The following GABRB2 variants were observed in gnomAD, a reference collection of about 807,000 sequenced individuals.
GABRB2 encodes the protein gamma-aminobutyric acid type A receptor subunit beta2.
GABRB2 carries 16 observed loss-of-function variants against 54.7 expected under a neutral mutation model. That is an observed-to-expected ratio of 0.29 (90% CI 0.20 to 0.44). The LOEUF (loss-of-function observed/expected upper bound fraction) is 0.44, where lower values mean the gene tolerates loss of function less well. Ranked by LOEUF, GABRB2 falls within the 20% of genes least tolerant of loss-of-function variation. The pLI, the probability that GABRB2 is intolerant of heterozygous loss-of-function variation, is 1.00. For missense variants in GABRB2, 355 were observed against 644.0 expected (o/e 0.55, Z 4.86); for synonymous variants, 244 against 233.8 (o/e 1.04, Z -0.40).
intron 7 of GABRB2, 33 bp from the exon 8 acceptor site, chr5:161,331,160 G>T: frequency 6.6e-7 from 1 of 1,511,012 alleles, no homozygotes; most frequent in Non-Finnish European, 8.9e-7. Flanking sequence ...GAGTAATAAT[G>T]TTCCTATCTC....
chr5:161,455,529 A>ATTTTT (rs34494220), intron 4 of GABRB2, among the ~76,000 whole-genome samples: 1 of 137,916 alleles, frequency 7.3e-6, no homozygotes. Context: ...TTGTTCCCCA[A>ATTTTT]TTTTTTTTTT....
chr5:161,323,015 T>C (rs1347768900), intron 9 of GABRB2, among the ~76,000 whole-genome samples: 1 of 151,558 alleles, frequency 6.6e-6, no homozygotes, highest in Non-Finnish European at 1.5e-5. Context: ...ATTTTTAGTA[T>C]CTTGAAATAT....
chr5:161,543,162 A>G (rs1760872473), intron 3 of GABRB2, among the ~76,000 whole-genome samples: 1 of 152,184 alleles, frequency 6.6e-6, no homozygotes, highest in Non-Finnish European at 1.5e-5. Context: ...ACAACCTGAT[A>G]TTCATTTTTG....
intron 5 of GABRB2, among the ~76,000 whole-genome samples, chr5:161,365,162 G>C (rs538599236): frequency 6.7e-4 from 102 of 152,240 alleles, no homozygotes; most frequent in African/African-American, 2.3e-3. Context: ...TGATTCTTTA[G>C]CCTAGGTTTA....
intron 3 of GABRB2, among the ~76,000 whole-genome samples, chr5:161,485,504 C>G (rs982592613): frequency 5.9e-5 from 9 of 151,944 alleles, no homozygotes; most frequent in African/African-American, 2.2e-4. Flanking sequence ...TTCATAGAAA[C>G]TCTGCCCTGA....
At chr5:161,524,995 A>G (rs1387247411) in intron 3 of GABRB2, among the ~76,000 whole-genome samples, 1 of 151,412 alleles carries the variant, frequency 6.6e-6, no homozygotes, top group African/African-American at 2.4e-5. Flanking sequence ...GTTTATATAC[A>G]AAGTACTTTC....
At chr5:161,418,371 C>T (rs1324246960) in intron 4 of GABRB2, among the ~76,000 whole-genome samples, 2 of 152,156 alleles carry the variant, frequency 1.3e-5, no homozygotes, top group Admixed American at 1.3e-4. Context: ...TGAGAATATA[C>T]TGTCTTCTAA....
Position 161,411,003 on chromosome 5 carries a change from T to C in GABRB2, c.513A>G (p.Glu171=), listed in dbSNP as rs370168508. 3 of 1,613,564 alleles carry C rather than the reference T, an allele frequency of 1.9e-6. No individual in the cohort carries two copies. In the African/African-American group the frequency reaches 4.0e-5, roughly 22 times the overall value. The change falls in exon 5 of 10, where the codon GAA becomes GAG. Residue 171 remains glutamate, a synonymous_variant. Coordinates refer to ENST00000393959, the MANE Select transcript of GABRB2 (RefSeq NM_001371727.1). ...TCTCAATTTCCAAGGTGCAGTTTTG[T>C]TCATCCAGTGGGTACCTCCTTAGGT... ...MMDLRRYPLD[E]QNCTLEIESY...
chr5:161,364,770 T>C (rs1040219441), intron 5 of GABRB2, among the ~76,000 whole-genome samples: 2 of 152,182 alleles, frequency 1.3e-5, no homozygotes, highest in African/African-American at 4.8e-5. Flanking sequence ...CTGTAATTAT[T>C]ACATGCCATA....
chr5:161,458,786 G>A lies in GABRB2; in HGVS notation c.458+838C>T, dbSNP rs181923454. On this transcript the variant is annotated intron_variant, in intron 4 of 9. Transcript: ENST00000393959. The stretch of plus-strand genomic sequence containing the variant: ...CATGAAAGCACTTAGCTCAATGTCT[G>A]ACCCATAACAAGTGTTCAATAAATG... 1.3e-4 allele frequency among the ~76,000 whole-genome samples: 20 copies of A among 152,250 alleles called. No individual in the cohort carries two copies. In the East Asian group the frequency reaches 3.7e-3, roughly 28 times the overall value.
intron 3 of GABRB2, among the ~76,000 whole-genome samples, chr5:161,509,879 T>A (rs1319049055): frequency 6.6e-6 from 1 of 151,964 alleles, no homozygotes; most frequent in Non-Finnish European, 1.5e-5. Context: ...ACCTGCATGA[T>A]CTTTCTATAA....
intron 5 of GABRB2, among the ~76,000 whole-genome samples, chr5:161,399,578 T>A (rs945036878): frequency 6.6e-6 from 1 of 152,188 alleles, no homozygotes; most frequent in Non-Finnish European, 1.5e-5. Context: ...TGGCAATACA[T>A]GACTGGGCTG....
At chr5:161,396,208 G>C (rs1580948393) in intron 5 of GABRB2, among the ~76,000 whole-genome samples, 1 of 152,250 alleles carries the variant, frequency 6.6e-6, no homozygotes, top group East Asian at 1.9e-4. Context: ...TCAGGAAGTG[G>C]AAAGCCACAC....
At chr5:161,401,822 A>C (rs1756200938) in intron 5 of GABRB2, among the ~76,000 whole-genome samples, 1 of 152,094 alleles carries the variant, frequency 6.6e-6, no homozygotes, top group Admixed American at 6.5e-5. Context: ...ATTCTCTATG[A>C]TGTGAAAATT....
At chr5:161,417,072 T>A (rs1421469517) in intron 4 of GABRB2, among the ~76,000 whole-genome samples, 6 of 152,178 alleles carry the variant, frequency 3.9e-5, no homozygotes, top group Non-Finnish European at 7.4e-5. Context: ...TCCTCCAACG[T>A]CACTTCAAAA....
At chr5:161,297,416 A>G (rs1489065244) in intron 9 of GABRB2, among the ~76,000 whole-genome samples, 2 of 152,078 alleles carry the variant, frequency 1.3e-5, no homozygotes, top group Admixed American at 1.3e-4. Flanking sequence ...ATTTCTCCTA[A>G]TGCTATCCCT....
At chr5:161,536,295 G>A (rs570666516) in intron 3 of GABRB2, among the ~76,000 whole-genome samples, 6 of 152,172 alleles carry the variant, frequency 3.9e-5, no homozygotes, top group Non-Finnish European at 5.9e-5. Context: ...AGGAGAAACC[G>A]AAGGAGGAAA....
intron 4 of GABRB2, among the ~76,000 whole-genome samples, chr5:161,457,597 C>T (rs1757995780): frequency 6.6e-6 from 1 of 152,022 alleles, no homozygotes; most frequent in Non-Finnish European, 1.5e-5. Flanking sequence ...AGGCCCCCGC[C>T]ACTACGCCCA....
chr5:161,464,937 G>T (rs1430563443), intron 3 of GABRB2, among the ~76,000 whole-genome samples: 1 of 152,022 alleles, frequency 6.6e-6, no homozygotes, highest in African/African-American at 2.4e-5. Context: ...ACTGATTTTG[G>T]GTAATAGAAC....
Sources: gnomAD v4.1 joint callset for allele counts (sites outside exome capture counted in the v4.1 genomes callset) on GRCh38, gnomAD v4.1.1 for gene constraint, MANE v1.5 for transcripts, NCBI Gene and HGNC (gene_info 2026-07-23, HGNC 2026-07-21) for gene names.